The following GSE1 variants were observed in gnomAD, a reference collection of about 807,000 sequenced individuals.
The protein encoded by GSE1 is genetic suppressor element 1.
GSE1 carries 32 observed loss-of-function variants against 112.6 expected under a neutral mutation model. That is an observed-to-expected ratio of 0.28 (90% CI 0.21 to 0.38). The LOEUF is 0.38. Among genes scored for constraint, GSE1 ranks in the 10% least tolerant of loss-of-function variants. GSE1 has a pLI of 1.00. For synonymous variants in GSE1, 1,115 were observed against 735.6 expected (o/e 1.52, Z -8.35); for missense variants, 2,348 against 1,699.2 (o/e 1.38, Z -6.71).
intron 2 of GSE1, among the ~76,000 whole-genome samples, chr16:85,509,229 G>A (rs532283689): frequency 6.6e-6 from 1 of 152,330 alleles, no homozygotes; most frequent in East Asian, 1.9e-4. Context: ...AAGGGGGCAG[G>A]AAGGGTTGGA....
chr16:85,430,906 C>T (rs1462285135), intron 2 of GSE1, among the ~76,000 whole-genome samples: 1 of 152,234 alleles, frequency 6.6e-6, no homozygotes, highest in Non-Finnish European at 1.5e-5. Context: ...GCCTGGGAGC[C>T]TGCGTTCCCA....
At chr16:85,245,265 G>A (rs934463724) in intron 1 of GSE1, among the ~76,000 whole-genome samples, 1 of 152,224 alleles carries the variant, frequency 6.6e-6, no homozygotes, top group African/African-American at 2.4e-5. Flanking sequence ...ATATCTCTCA[G>A]CCGCAGCCCT....
chr16:85,485,146 G>A (rs940419774), intron 2 of GSE1, among the ~76,000 whole-genome samples: 13 of 152,168 alleles, frequency 8.5e-5, no homozygotes, highest in Admixed American at 4.6e-4. Context: ...GGAACATTCC[G>A]GGCAGCGTTC....
intron 2 of GSE1, among the ~76,000 whole-genome samples, chr16:85,388,913 G>A (rs1443890933): frequency 6.6e-6 from 1 of 152,130 alleles, no homozygotes; most frequent in East Asian, 1.9e-4. Flanking sequence ...GAATCCCCAG[G>A]GAAAATCATA....
At chr16:85,342,506 T>C (rs55742715) in intron 1 of GSE1, among the ~76,000 whole-genome samples, 90,917 of 151,936 alleles carry the variant, frequency 0.6, 27,751 homozygotes, top group East Asian at 0.91. Context: ...AGCTGAGAGC[T>C]CAGGGCGTGG....
intron 2 of GSE1, among the ~76,000 whole-genome samples, chr16:85,514,902 C>T (rs1046097957): frequency 3.3e-5 from 5 of 151,980 alleles, no homozygotes; most frequent in South Asian, 2.1e-4. Context: ...TGCACATGTG[C>T]GTGTGTTTGC....
At chr16:85,329,636 A>G (rs1412755693) in intron 1 of GSE1, among the ~76,000 whole-genome samples, 2 of 151,800 alleles carry the variant, frequency 1.3e-5, no homozygotes, top group African/African-American at 2.4e-5. Context: ...CGCCTGTGCC[A>G]AGGCTCATTA....
intron 1 of GSE1, among the ~76,000 whole-genome samples, chr16:85,237,991 A>G (rs965590916): frequency 6.6e-6 from 1 of 152,190 alleles, no homozygotes; most frequent in African/African-American, 2.4e-5. Flanking sequence ...GAATGAATGA[A>G]TGAATGAGTG....
chr16:85,290,348 C>G (rs745750961), intron 1 of GSE1, among the ~76,000 whole-genome samples: 19 of 152,240 alleles, frequency 1.2e-4, no homozygotes, highest in South Asian at 8.3e-4. Context: ...CGGCAGCCTT[C>G]AAGGATCCCT....
rs74484894 is a variant in GSE1, at chr16:85,656,331, C to T, written c.990-12C>T. 6,243 of 1,610,248 alleles carry T rather than the reference C, an allele frequency of 3.9e-3. 243 individuals are homozygous for T. In the African/African-American group the frequency reaches 0.075, roughly 19 times the overall value. Reference sequence around the variant, plus strand: ...GTGCAGCAGAGCCCCCAACTCTTTCCATGTGCTGCAGGCTGCAGATGGACG... The same window carrying T: ...GTGCAGCAGAGCCCCCAACTCTTTCTATGTGCTGCAGGCTGCAGATGGACG... On this transcript the variant is annotated splice_polypyrimidine_tract_variant and intron_variant, in intron 6 of 15. Transcript: ENST00000253458.
chr16:85,299,406 C>T (rs2045455315), intron 1 of GSE1, among the ~76,000 whole-genome samples: 1 of 152,190 alleles, frequency 6.6e-6, no homozygotes, highest in South Asian at 2.1e-4. Flanking sequence ...CTCTCCAACC[C>T]CCCTGCCAGC....
intron 1 of GSE1, among the ~76,000 whole-genome samples, chr16:85,632,202 C>T (rs1467824768): frequency 5.3e-5 from 8 of 152,220 alleles, no homozygotes; most frequent in South Asian, 2.1e-4. Flanking sequence ...AGGTGGGGCC[C>T]GCTGCTGCAG....
At chr16:85,662,147 C>T (rs561519615) in intron 9 of GSE1, 5 of 183,112 alleles carry the variant, frequency 2.7e-5, no homozygotes, top group Middle Eastern at 2.1e-3. Context: ...CATACAGGGC[C>T]GCTGCCACGA....
intron 1 of GSE1, among the ~76,000 whole-genome samples, chr16:85,172,641 C>A (rs972514149): frequency 2.0e-5 from 3 of 152,246 alleles, no homozygotes; most frequent in South Asian, 4.1e-4. Context: ...ACCCGGCCAC[C>A]GGGGCATGGA....
intron 1 of GSE1, among the ~76,000 whole-genome samples, chr16:85,291,531 G>A (rs1250416391): frequency 2.0e-5 from 3 of 152,210 alleles, no homozygotes; most frequent in Non-Finnish European, 2.9e-5. Context: ...AGGGCTGTCG[G>A]CCCTGGCAGG....
intron 1 of GSE1, among the ~76,000 whole-genome samples, chr16:85,303,813 C>T (rs1403581617): frequency 6.6e-6 from 1 of 152,236 alleles, no homozygotes; most frequent in Admixed American, 6.5e-5. Context: ...TGAACACAGG[C>T]CCTGGCCTGG....
rs1472409598 is a variant in GSE1 at position 85,181,880 on chromosome 16, C to G, written c.2283+10073C>G. On this transcript the variant is annotated intron_variant, in intron 1 of 2. Transcript: ENST00000637419. The stretch of plus-strand genomic sequence containing the variant: ...CCGAGAGCATGGCGGGGCCTTGCCA[C>G]AGCTGCAGCGCCAGCTCTGTGAATC... 4.6e-5 allele frequency among the ~76,000 whole-genome samples: 7 copies of G among 152,212 alleles called. No homozygotes were observed. In the East Asian group the frequency reaches 1.3e-3, roughly 29 times the overall value.
In GSE1 at chr16:85,640,786, C is replaced by T. The variant is rs190578271; in HGVS notation, c.226+6654C>T. 3.3e-4 allele frequency among the ~76,000 whole-genome samples: 51 copies of T among 152,376 alleles called. No homozygotes were observed. In the Middle Eastern group the frequency reaches 0.014, roughly 41 times the overall value. On this transcript the variant is annotated intron_variant, in intron 2 of 15. Transcript: ENST00000253458. ...GATCCCGCCTGGCAGGCGCGCCTCG[C>T]GTGGGTGTCAGTCTGCGGCGGCGGC... is the stretch of plus-strand genomic sequence containing the variant.
At chr16:85,643,105 T>C (rs1368069000) in intron 2 of GSE1, among the ~76,000 whole-genome samples, 2 of 152,194 alleles carry the variant, frequency 1.3e-5, no homozygotes, top group African/African-American at 4.8e-5. Flanking sequence ...ACTCCCTCGC[T>C]GACTTTGGGG....
Sources: allele counts gnomAD v4.1 joint callset (sites outside exome capture counted in the v4.1 genomes callset), GRCh38; gene constraint gnomAD v4.1.1; transcripts MANE v1.5; gene names NCBI Gene and HGNC (gene_info 2026-07-23, HGNC 2026-07-21).